The following CCDC30 variants were observed in gnomAD, a reference collection of about 807,000 sequenced individuals.
The protein encoded by CCDC30 is coiled-coil domain containing 30.
Under a neutral mutation model 100.2 loss-of-function variants are expected in CCDC30, and 70 were observed. The ratio of observed to expected loss-of-function variants is 0.70; its 90% CI spans 0.58 to 0.85. CCDC30 has a LOEUF of 0.85. CCDC30 is among the 40% of genes least tolerant of loss of function. CCDC30 has a pLI of 0.00. For missense variants in CCDC30, 652 were observed against 771.2 expected, an observed-to-expected ratio of 0.85 and a Z score of 1.83; for synonymous variants, 233 against 269.5, an observed-to-expected ratio of 0.86 and a Z score of 1.33.
At chr1:42,641,259 G>GTGTGTGTGTGTGTT (rs1647368480) in intron 12 of CCDC30, among the ~76,000 whole-genome samples, 1 of 148,936 alleles carries the variant, frequency 6.7e-6, no homozygotes, top group Non-Finnish European at 1.5e-5. Context: ...GTGTGTGTGT[G>GTGTGTGTGTGTGTT]TGGAGACGGG....
chr1:42,568,701 C>A (rs1645661280), intron 7 of CCDC30, among the ~76,000 whole-genome samples: 1 of 150,328 alleles, frequency 6.7e-6, no homozygotes, highest in Non-Finnish European at 1.5e-5. Flanking sequence ...CTGAGGTGAG[C>A]AGATCACTTA....
chr1:42,654,032 CA>C lies in CCDC30; in HGVS notation c.*5del, dbSNP rs1169569296. On this transcript the variant is annotated 3_prime_UTR_variant, in exon 17 of 17. Transcript: ENST00000668663. ...AGACCAAAAGTCAGAACTATAAAAT[CA>C]CTGGTGCCTAAAGCTATACTGAACA... The C allele has an allele frequency of 3.1e-6, 5 of 1,605,982 alleles. No individual in the cohort carries two copies. In the African/African-American group the frequency reaches 5.4e-5, roughly 17 times the overall value.
downstream of CCDC30, among the ~76,000 whole-genome samples, chr1:42,655,217 TGAA>T: frequency 6.6e-6 from 1 of 152,302 alleles, no homozygotes; most frequent in African/African-American, 2.4e-5. Context: ...AAATGTTTAA[TGAA>T]GAAGATTTAG....
Position 42,570,267 on chromosome 1 carries a change from A to G in CCDC30, c.636+3792A>G, listed in dbSNP as rs185448581. On this transcript the variant is annotated intron_variant, in intron 7 of 16. Coordinates refer to ENST00000668663, the Ensembl canonical transcript of CCDC30. Reference sequence around the variant, plus strand: ...CTTGAGCCCAGGGATTTGAAGCTGCAGTGAGCTATGATCACACCACTGCAC... The same window carrying G: ...CTTGAGCCCAGGGATTTGAAGCTGCGGTGAGCTATGATCACACCACTGCAC... Among the ~76,000 whole-genome samples, 1,069 of 152,126 alleles carry G rather than the reference A, an allele frequency of 7.0e-3. 7 individuals carry two copies. Among genetic ancestry groups the G allele is most frequent in the Non-Finnish European group, 8.7e-3 (594 of 67,996 alleles).
intron 6 of CCDC30, among the ~76,000 whole-genome samples, chr1:42,557,217 A>G (rs569871840): frequency 3.8e-4 from 58 of 152,354 alleles, no homozygotes; most frequent in African/African-American, 1.4e-3. Context: ...AAAGGAAGTT[A>G]AAAAATATAT....
chr1:42,649,467 A>T (rs890690542), intron 15 of CCDC30, among the ~76,000 whole-genome samples: 1 of 152,238 alleles, frequency 6.6e-6, no homozygotes, highest in African/African-American at 2.4e-5. Flanking sequence ...AATAAAGGCC[A>T]TATATGACAA....
At chr1:42,615,917 T>G (rs1646718988) in intron 11 of CCDC30, among the ~76,000 whole-genome samples, 1 of 151,928 alleles carries the variant, frequency 6.6e-6, no homozygotes, top group Admixed American at 6.6e-5. Flanking sequence ...TGTTTTTTGT[T>G]TTTTTGGTTT....
intron 15 of CCDC30, among the ~76,000 whole-genome samples, chr1:42,649,572 T>C (rs1648165371): frequency 6.6e-6 from 1 of 152,200 alleles, no homozygotes; most frequent in Admixed American, 6.5e-5. Context: ...ACCACTTCTA[T>C]TTCATATATA....
intron 12 of CCDC30, among the ~76,000 whole-genome samples, chr1:42,637,896 G>T (rs778382815): frequency 1.3e-5 from 2 of 152,314 alleles, no homozygotes; most frequent in East Asian, 3.9e-4. Context: ...ATGGTTGTGG[G>T]ATTATTAAAC....
At chr1:42,611,026 C>G (rs1646611604) in exon 11 of CCDC30, 1 of 1,612,918 alleles carries the variant, frequency 6.2e-7, no homozygotes, top group Admixed American at 1.7e-5. Context: ...TAAGCTACAG[C>G]AAGAGAAGGA....
rs188911462 is a variant in CCDC30 at position 42,527,412 on chromosome 1, C to T, written c.456+28496C>T. Among the ~76,000 whole-genome samples, 794 of 152,294 alleles carry T rather than the reference C, an allele frequency of 5.2e-3. 8 individuals carry two copies. The highest frequency in any genetic ancestry group is 0.018 in the African/African-American group (767 of 41,552). On this transcript the variant is annotated intron_variant, in intron 6 of 16. Coordinates refer to ENST00000668663, the Ensembl canonical transcript of CCDC30. ...ATCAACTACATTGTGACCTTGAACA[C>T]ATTACTTAGCTCTCTGTCCTTAACT...
chr1:42,482,278 G>T (rs1333784367), intron 2 of CCDC30, among the ~76,000 whole-genome samples: 1 of 150,696 alleles, frequency 6.6e-6, no homozygotes, highest in African/African-American at 2.4e-5. Flanking sequence ...TTACAGAGAA[G>T]TGTTCCTGTA....
chr1:42,461,369 T>C (rs1643405867), upstream of CCDC30, among the ~76,000 whole-genome samples: 1 of 152,194 alleles, frequency 6.6e-6, no homozygotes, highest in Non-Finnish European at 1.5e-5. Context: ...AAGGTCATGC[T>C]TAGTCACCCA....
At chr1:42,496,975 C>CAG in intron 4 of CCDC30, 123 bp from the exon 5 acceptor site, 1 of 422,412 alleles carries the variant, frequency 2.4e-6, no homozygotes, top group East Asian at 3.6e-5. Flanking sequence ...GCCACATATG[C>CAG]AGAGACATGG....
At chr1:42,642,698 AG>A in intron 13 of CCDC30, 89 bp downstream of exon 17, 1 of 1,242,414 alleles carries the variant, frequency 8.0e-7, no homozygotes. Flanking sequence ...CTGTCCTTTG[AG>A]TTTGTAGCCT....
chr1:42,549,031 A>C (rs1330125393), intron 6 of CCDC30, among the ~76,000 whole-genome samples: 1 of 152,152 alleles, frequency 6.6e-6, no homozygotes, highest in African/African-American at 2.4e-5. Flanking sequence ...GGACTCTTAG[A>C]ACTGGAAGGA....
At chr1:42,492,378 C>A (rs1644156857) in intron 4 of CCDC30, 1 of 198,458 alleles carries the variant, frequency 5.0e-6, no homozygotes, top group Non-Finnish European at 1.0e-5. Context: ...CTGAAGATGC[C>A]CAAGTTTGAT....
chr1:42,598,889 T>C (rs1030446331), intron 10 of CCDC30, among the ~76,000 whole-genome samples: 2 of 152,134 alleles, frequency 1.3e-5, no homozygotes, highest in Admixed American at 6.5e-5. Flanking sequence ...AGTGAGACTC[T>C]GTCTCAACAA....
intron 1 of CCDC30, among the ~76,000 whole-genome samples, chr1:42,465,426 G>A (rs986222505): frequency 6.6e-6 from 1 of 152,090 alleles, no homozygotes; most frequent in African/African-American, 2.4e-5. Flanking sequence ...TTGCAATGGC[G>A]CGATCTTGGC....
Sources: allele counts gnomAD v4.1 joint callset (sites outside exome capture counted in the v4.1 genomes callset), GRCh38; gene constraint gnomAD v4.1.1; transcripts MANE v1.5; gene names NCBI Gene and HGNC (gene_info 2026-07-23, HGNC 2026-07-21).